Variants in SLC17A8 observed in about 807,000 individuals in gnomAD.
SLC17A8 encodes the protein solute carrier family 17 member 8, also known as vesicular glutamate transporter 3.
In SLC17A8, 31 loss-of-function variants were observed where a neutral mutation model predicts 58.0. The observed-to-expected ratio is 0.53, with a 90% CI of 0.40 to 0.72. The LOEUF is 0.72. SLC17A8 is among the 30% of genes least tolerant of loss of function. The probability of loss-of-function intolerance (pLI) is 0.00; values close to 1 mark genes in which losing one functional copy is unlikely to be tolerated. For synonymous variants in SLC17A8, 228 were observed against 249.0 expected, an observed-to-expected ratio of 0.92 and a Z score of 0.79; for missense variants, 655 against 727.8, an observed-to-expected ratio of 0.90 and a Z score of 1.15.
Position 100,402,445 on chromosome 12 carries a change from G to T in SLC17A8, c.869G>T (p.Ser290Ile). 1 of 1,614,078 alleles carries T rather than the reference G, an allele frequency of 6.2e-7. No individual in the cohort carries two copies. Among genetic ancestry groups the T allele is most frequent in the South Asian group, 1.1e-5 (1 of 91,080 alleles). The change falls in exon 7 of 12, where the codon AGC (serine) becomes ATC (isoleucine). Residue 290 changes from serine to isoleucine, a missense_variant. Transcript: ENST00000323346. ...SNEEKTYIET[S>I]IGEGANVVSL... ...GAGGAGAAGACCTATATAGAGACAA[G>T]CATAGGAGAGGGGGCCAACGTGGTT... is the stretch of plus-strand genomic sequence containing the variant.
intron 1 of SLC17A8, among the ~76,000 whole-genome samples, chr12:100,363,069 C>G (rs1471467721): frequency 2.6e-5 from 4 of 152,182 alleles, no homozygotes; most frequent in Admixed American, 1.3e-4. Context: ...ATCCATGACC[C>G]TTATCACTGT....
chr12:100,396,600 A>T (rs919526108), intron 5 of SLC17A8, among the ~76,000 whole-genome samples, 183 bp downstream of exon 5: 3 of 151,254 alleles, frequency 2.0e-5, no homozygotes, highest in African/African-American at 7.3e-5. Context: ...AAAAAAAAAA[A>T]TTAGCCGAGC....
chr12:100,415,376 G>A (rs1192669352), intron 10 of SLC17A8, among the ~76,000 whole-genome samples: 5 of 150,190 alleles, frequency 3.3e-5, no homozygotes, highest in Admixed American at 6.6e-5. Context: ...TGAGGTTGCA[G>A]TGAGCCAAGA....
At chr12:100,407,204 T>C (rs928575908) in intron 9 of SLC17A8, among the ~76,000 whole-genome samples, 4 of 152,196 alleles carry the variant, frequency 2.6e-5, no homozygotes. Context: ...TTAACAAATA[T>C]CTGTGATTGT....
At chr12:100,372,018 G>A (rs1050284349) in intron 1 of SLC17A8, among the ~76,000 whole-genome samples, 25 of 152,132 alleles carry the variant, frequency 1.6e-4, no homozygotes, top group African/African-American at 6.0e-4. Flanking sequence ...AGTAGTCAAC[G>A]TCCTTCAGTT....
intron 1 of SLC17A8, among the ~76,000 whole-genome samples, chr12:100,370,612 TAAAAAAAAA>T (rs61103377): frequency 3.1e-5 from 4 of 127,170 alleles, no homozygotes; most frequent in East Asian, 2.1e-4. Flanking sequence ...ATCTAAATTC[TAAAAAAAAA>T]AAAAAAAAAA....
intron 5 of SLC17A8, among the ~76,000 whole-genome samples, chr12:100,398,564 T>C (rs1952768590): frequency 6.6e-6 from 1 of 152,182 alleles, no homozygotes; most frequent in South Asian, 2.1e-4. Context: ...ACAGGCCTCA[T>C]TACATGTCCC....
At position 100,418,075 on chromosome 12, in the gene SLC17A8, T is replaced by C; in HGVS notation, c.1344T>C (p.Ile448=). 6.2e-7 allele frequency: 1 copy of C among 1,614,202 alleles called. No individual in the cohort carries two copies. The highest frequency in any genetic ancestry group is 8.5e-7 in the Non-Finnish European group (1 of 1,180,034). Residue 448 remains isoleucine (I), a synonymous_variant, in exon 11 of 12, where the codon ATT becomes ATC. Coordinates refer to ENST00000323346, the MANE Select transcript of SLC17A8 (RefSeq NM_139319.3). ...HLDIAPRYAS[I]LMGISNGVGT... ...ACATTGCCCCACGCTATGCCAGCATTCTCATGGGGATCTCAAACGGAGTGG... is the reference window on the plus strand; with the variant it reads ...ACATTGCCCCACGCTATGCCAGCATCCTCATGGGGATCTCAAACGGAGTGG...
intron 9 of SLC17A8, among the ~76,000 whole-genome samples, chr12:100,408,172 G>C (rs771180061): frequency 3.3e-4 from 50 of 152,160 alleles, no homozygotes; most frequent in Non-Finnish European, 5.7e-4. Flanking sequence ...ATCTGAGAAG[G>C]ATCACACATA....
chr12:100,385,135 A>T (rs10860587), intron 2 of SLC17A8, among the ~76,000 whole-genome samples: 81,584 of 140,170 alleles, frequency 0.58, 23,318 homozygotes, highest in East Asian at 0.85. Context: ...TGTGTGTGTG[A>T]GAGAGAGAGA....
chr12:100,358,969 A>G (rs988934081), intron 1 of SLC17A8, among the ~76,000 whole-genome samples: 2 of 152,012 alleles, frequency 1.3e-5, no homozygotes, highest in Non-Finnish European at 2.9e-5. Context: ...TAGAGAGACC[A>G]TGTCTCTACA....
At chr12:100,396,295 CA>C (rs745942801) in intron 4 of SLC17A8, 34 bp from the exon 5 acceptor site, 1 of 1,540,476 alleles carries the variant, frequency 6.5e-7, no homozygotes, top group Non-Finnish European at 9.0e-7. Context: ...AAACTACAGT[CA>C]AATCAACTAA....
At chr12:100,419,714 C>G (rs1355000640) in intron 11 of SLC17A8, 101 bp from the exon 12 acceptor site, 5 of 1,190,146 alleles carry the variant, frequency 4.2e-6, no homozygotes, top group Non-Finnish European at 4.9e-6. Flanking sequence ...GCATCACCTT[C>G]CAAATGGGCA....
intron 1 of SLC17A8, among the ~76,000 whole-genome samples, chr12:100,366,815 T>G (rs1045320383): frequency 6.6e-6 from 1 of 152,232 alleles, no homozygotes; most frequent in African/African-American, 2.4e-5. Flanking sequence ...GCCCATTTTA[T>G]TTTTGTTCCT....
At position 100,380,703 on chromosome 12, in the gene SLC17A8, A is replaced by T; in HGVS notation, c.104A>T (p.Lys35Ile). Reference protein sequence around the residue: ...VGDSLGILQRKIDGTTEEEDN... With the variant: ...VGDSLGILQRIIDGTTEEEDN... ...TGCCTATCCTTTTTCCCATGTAGAA[A>T]AATCGATGGGACAACTGAGGAAGAA... Residue 35 changes from lysine (K) to isoleucine (I), a missense_variant and splice_region_variant, in exon 2 of 12, where the codon AAA becomes ATA. Transcript: ENST00000323346. The T allele has an allele frequency of 6.2e-7, 1 of 1,614,054 alleles. No homozygotes were observed. The highest frequency in any genetic ancestry group is 8.5e-7 in the Non-Finnish European group (1 of 1,180,018).
intron 10 of SLC17A8, among the ~76,000 whole-genome samples, chr12:100,417,469 T>A (rs1395752174): frequency 1.3e-5 from 2 of 152,212 alleles, no homozygotes; most frequent in African/African-American, 2.4e-5. Context: ...ATTTACAGAC[T>A]CCAAATCAAG....
chr12:100,385,788 C>T (rs1219168362), intron 2 of SLC17A8, among the ~76,000 whole-genome samples: 1 of 152,206 alleles, frequency 6.6e-6, no homozygotes, highest in Non-Finnish European at 1.5e-5. Flanking sequence ...CATATTACCA[C>T]AAACTTGATG....
intron 1 of SLC17A8, among the ~76,000 whole-genome samples, chr12:100,367,206 A>C (rs1952525913): frequency 6.6e-6 from 1 of 152,130 alleles, no homozygotes; most frequent in African/African-American, 2.4e-5. Context: ...AACATTTCTC[A>C]TTTTTAAAGA....
chr12:100,409,145 TTATG>T (rs4015905), intron 9 of SLC17A8, among the ~76,000 whole-genome samples: 68,174 of 143,498 alleles, frequency 0.48, 16,226 homozygotes, highest in East Asian at 0.73. Flanking sequence ...TCATTAAACG[TTATG>T]TATGTATGTA....
Sources: gnomAD v4.1 joint callset for allele counts (sites outside exome capture counted in the v4.1 genomes callset) on GRCh38, gnomAD v4.1.1 for gene constraint, MANE v1.5 for transcripts, NCBI Gene and HGNC (gene_info 2026-07-23, HGNC 2026-07-21) for gene names.